NCOA2: variants seen among roughly 807,000 people sequenced by gnomAD.
NCOA2 encodes the protein nuclear receptor coactivator 2.
A neutral mutation model predicts 145.1 loss-of-function variants in NCOA2; 21 were observed. The observed-to-expected ratio is 0.14, with a 90% CI of 0.10 to 0.21. The LOEUF (loss-of-function observed/expected upper bound fraction) is 0.21. Among genes scored for constraint, NCOA2 ranks in the 10% least tolerant of loss-of-function variants. NCOA2 has a pLI of 1.00. For missense variants in NCOA2, 1,472 were observed against 1,837.6 expected (o/e 0.80, Z 3.64); for synonymous variants, 619 against 637.5 (o/e 0.97, Z 0.44).
At chr8:70,279,307 A>G (rs1275695688) in intron 2 of NCOA2, among the ~76,000 whole-genome samples, 1 of 152,176 alleles carries the variant, frequency 6.6e-6, no homozygotes, top group African/African-American at 2.4e-5. Context: ...CTCCACAATG[A>G]CATACACTCC....
intron 21 of NCOA2, among the ~76,000 whole-genome samples, chr8:70,123,441 C>T (rs1191463150): frequency 2.0e-5 from 3 of 152,112 alleles, no homozygotes; most frequent in Admixed American, 6.5e-5. Flanking sequence ...CTGCTTGAGC[C>T]GGGAGACGGA....
At chr8:70,383,349 C>T (rs1371188223) in intron 1 of NCOA2, among the ~76,000 whole-genome samples, 10 of 152,242 alleles carry the variant, frequency 6.6e-5, no homozygotes, top group Non-Finnish European at 1.3e-4. Flanking sequence ...AAGACAGACA[C>T]ACTGTCAGAA....
chr8:70,263,615 C>A (rs1049207784), intron 2 of NCOA2, among the ~76,000 whole-genome samples: 24 of 151,834 alleles, frequency 1.6e-4, no homozygotes, highest in African/African-American at 5.8e-4. Flanking sequence ...ATATAAAAAA[C>A]ATCACCGGGA....
At chr8:70,364,559 A>G (rs1810505410) in intron 1 of NCOA2, among the ~76,000 whole-genome samples, 1 of 152,164 alleles carries the variant, frequency 6.6e-6, no homozygotes, top group Admixed American at 6.5e-5. Context: ...AAAAATGCTA[A>G]TAACTGCTAT....
chr8:70,345,925 C>T (rs1264350210), intron 1 of NCOA2, among the ~76,000 whole-genome samples: 1 of 152,176 alleles, frequency 6.6e-6, no homozygotes, highest in East Asian at 1.9e-4. Context: ...ACTCCAGCCC[C>T]AATACTTGCC....
At chr8:70,421,830 C>T in the NCOA2 span, among the ~76,000 whole-genome samples, 1 of 152,102 alleles carries the variant, frequency 6.6e-6, no homozygotes, top group Non-Finnish European at 1.5e-5. Context: ...CGCAGTGGCT[C>T]ATGCCTGTAA....
At chr8:70,282,345 C>G (rs1825947649) in intron 2 of NCOA2, among the ~76,000 whole-genome samples, 1 of 152,128 alleles carries the variant, frequency 6.6e-6, no homozygotes, top group Non-Finnish European at 1.5e-5. Context: ...AACAGGATAA[C>G]CTTATTATGG....
rs1414753115 is a variant in NCOA2, at chr8:70,163,584, T to C, written c.731-18A>G. On this transcript the variant is annotated intron_variant, in intron 7 of 22. Transcript: ENST00000452400. Reference sequence around the variant, plus strand: ...CTGCAAATCTTAAACCACACATGTTTACATTTATCATATTGGGCTTTTCTA... The same window carrying C: ...CTGCAAATCTTAAACCACACATGTTCACATTTATCATATTGGGCTTTTCTA... The C allele has an allele frequency of 6.3e-7, 1 of 1,595,088 alleles. No homozygotes were observed. Among genetic ancestry groups the C allele is most frequent in the Non-Finnish European group, 8.6e-7 (1 of 1,163,808 alleles).
At chr8:70,243,920 C>T (rs2134525939) in intron 2 of NCOA2, among the ~76,000 whole-genome samples, 1 of 151,886 alleles carries the variant, frequency 6.6e-6, no homozygotes, top group African/African-American at 2.4e-5. Context: ...AAGAAAATCC[C>T]ATTTAATAAA....
At chr8:70,209,422 A>C (rs1818791643) in intron 4 of NCOA2, among the ~76,000 whole-genome samples, 1 of 152,258 alleles carries the variant, frequency 6.6e-6, no homozygotes, top group Non-Finnish European at 1.5e-5. Context: ...ACAGGGTTTG[A>C]GAGGACTGAT....
At chr8:70,142,053 G>A (rs1810495113) in intron 13 of NCOA2, among the ~76,000 whole-genome samples, 2 of 152,120 alleles carry the variant, frequency 1.3e-5, no homozygotes, top group Non-Finnish European at 2.9e-5. Context: ...CTTCCTTTTT[G>A]AGGTGTTAAC....
rs533323148 is a variant in NCOA2, at chr8:70,131,348, T to A, written c.3324+489A>T. ...TTTAAAGGTAAAAATGATGAAAGAGTTGCAGCTACCTGTAAAATGACTTCT... is the reference window on the plus strand; with the variant it reads ...TTTAAAGGTAAAAATGATGAAAGAGATGCAGCTACCTGTAAAATGACTTCT... On this transcript the variant is annotated intron_variant, in intron 16 of 22. Coordinates refer to ENST00000452400, the MANE Select transcript of NCOA2 (RefSeq NM_006540.4). Among the ~76,000 whole-genome samples the A allele has an allele frequency of 2.6e-5, 4 of 152,098 alleles. No homozygotes were observed. The East Asian group carries it at 7.7e-4, about 29-fold the overall frequency.
At chr8:70,241,564 TG>T (rs1356048657) in intron 2 of NCOA2, among the ~76,000 whole-genome samples, 1 of 152,206 alleles carries the variant, frequency 6.6e-6, no homozygotes, top group Admixed American at 6.5e-5. Flanking sequence ...GTTCCCTCCT[TG>T]TCCATTATGT....
At chr8:70,438,544 T>C in the NCOA2 span, among the ~76,000 whole-genome samples, 2 of 152,244 alleles carry the variant, frequency 1.3e-5, no homozygotes, top group Non-Finnish European at 2.9e-5. Flanking sequence ...TAAGCCTCCA[T>C]TATGCAATGC....
chr8:70,120,723 A>AAAAAC (rs1217920327), intron 22 of NCOA2, among the ~76,000 whole-genome samples: 9 of 152,328 alleles, frequency 5.9e-5, no homozygotes, highest in East Asian at 3.9e-4. Flanking sequence ...ACTGTCTCAA[A>AAAAAC]AAAACAAAAC....
chr8:70,162,582 A>G (rs1310036694), intron 9 of NCOA2, 129 bp downstream of exon 9: 2 of 918,538 alleles, frequency 2.2e-6, no homozygotes, highest in African/African-American at 3.4e-5. Context: ...AGATGGCAAC[A>G]CTGGGGCCAG....
chr8:70,327,932 T>C (rs1308074462), intron 1 of NCOA2, among the ~76,000 whole-genome samples: 1 of 152,190 alleles, frequency 6.6e-6, no homozygotes, highest in Non-Finnish European at 1.5e-5. Flanking sequence ...AACCCACATT[T>C]CCTGATTTCT....
Position 70,214,062 on chromosome 8 carries a change from T to C in NCOA2, c.100A>G (p.Thr34Ala), listed in dbSNP as rs201894717. The stretch of plus-strand genomic sequence containing the variant: ...TCCTGTTCACGATTACGTTTTTCAG[T>C]GTTCCTTTTGGGGCTTAAAAGAAGA... ...DQLGPSPKRN[T>A]EKRNREQENK... is the part of the protein sequence containing the mutation. Residue 34 changes from threonine (T) to alanine (A), a missense_variant, in exon 4 of 23, where the codon ACT (threonine) becomes GCT (alanine). This residue lies in a region of NCOA2 where 284 missense variants were observed against 467.8 expected (regional missense o/e 0.61). Transcript: ENST00000452400. 44 of 1,603,872 alleles carry C rather than the reference T, an allele frequency of 2.7e-5. No individual in the cohort carries two copies. In the African/African-American group the frequency reaches 5.7e-4, roughly 21 times the overall value.
At chr8:70,438,606 T>C in the NCOA2 span, among the ~76,000 whole-genome samples, 3 of 152,210 alleles carry the variant, frequency 2.0e-5, no homozygotes, top group Non-Finnish European at 2.9e-5. Context: ...ATTGTGACTG[T>C]TGGGAAAATT....
Sources: gnomAD v4.1 joint callset for allele counts (sites outside exome capture counted in the v4.1 genomes callset) on GRCh38, gnomAD v4.1.1 for gene constraint, gnomAD v4.1.1 regional missense constraint, MANE v1.5 for transcripts, NCBI Gene and HGNC (gene_info 2026-07-23, HGNC 2026-07-21) for gene names.